Variants in ENTPD1 observed in about 807,000 individuals in gnomAD.
ENTPD1 encodes the protein ectonucleoside triphosphate diphosphohydrolase 1.
Under a neutral mutation model 57.0 loss-of-function variants are expected in ENTPD1, and 33 were observed. The ratio of observed to expected loss-of-function variants is 0.58; its 90% CI spans 0.44 to 0.77. The LOEUF is 0.77. ENTPD1 is among the 30% of genes least tolerant of loss of function. ENTPD1 has a pLI of 0.00. For missense variants in ENTPD1, 501 were observed against 603.4 expected (o/e 0.83, Z 1.78); for synonymous variants, 202 against 218.8 (o/e 0.92, Z 0.68).
chr10:95,782,813 G>C (rs372272806), intron 1 of ENTPD1, among the ~76,000 whole-genome samples: 1 of 152,052 alleles, frequency 6.6e-6, no homozygotes, highest in African/African-American at 2.4e-5. Context: ...CTAAGGCTGC[G>C]TTTTCAGCTC....
At chr10:95,786,020 G>A (rs144216949) in intron 1 of ENTPD1, among the ~76,000 whole-genome samples, 14 of 152,298 alleles carry the variant, frequency 9.2e-5, no homozygotes, top group African/African-American at 3.4e-4. Context: ...GGAGACAAGA[G>A]TGGGCACTTG....
chr10:95,729,798 A>T (rs1032910862), intron 1 of ENTPD1, among the ~76,000 whole-genome samples: 3 of 152,198 alleles, frequency 2.0e-5, no homozygotes, highest in Non-Finnish European at 2.9e-5. Flanking sequence ...TTCCTTTTCA[A>T]AAACTTTATT....
the ENTPD1 span, among the ~76,000 whole-genome samples, chr10:95,696,796 A>G: frequency 6.6e-6 from 1 of 152,228 alleles, no homozygotes; most frequent in Non-Finnish European, 1.5e-5. Context: ...AGATCATATG[A>G]TACTAGCAGT....
chr10:95,708,241 G>A (rs1297985395), upstream of ENTPD1, among the ~76,000 whole-genome samples: 4 of 148,222 alleles, frequency 2.7e-5, no homozygotes, highest in Admixed American at 6.7e-5. Context: ...TTGAGACAGA[G>A]TCTCACTCTG....
chr10:95,700,069 G>T, the ENTPD1 span, among the ~76,000 whole-genome samples: 1 of 152,048 alleles, frequency 6.6e-6, no homozygotes, highest in East Asian at 1.9e-4. Flanking sequence ...TTTTCTTTGA[G>T]GAAAAAATAG....
intron 1 of ENTPD1, among the ~76,000 whole-genome samples, chr10:95,814,373 A>G (rs1043367279): frequency 2.0e-5 from 3 of 152,328 alleles, no homozygotes; most frequent in Admixed American, 2.0e-4. Context: ...TTTCCCATAC[A>G]TAGAGCCTCT....
At chr10:95,728,095 T>C (rs751059339) in intron 1 of ENTPD1, among the ~76,000 whole-genome samples, 3 of 152,300 alleles carry the variant, frequency 2.0e-5, no homozygotes, top group South Asian at 2.1e-4. Flanking sequence ...TATCTAACTA[T>C]TGAATTTGTT....
At chr10:95,844,039 A>C (rs1226667843) in intron 4 of ENTPD1, among the ~76,000 whole-genome samples, 1 of 152,084 alleles carries the variant, frequency 6.6e-6, no homozygotes, top group Non-Finnish European at 1.5e-5. Context: ...TTCTACTAGA[A>C]CCCTAATTAA....
chr10:95,800,324 G>A (rs976997926), intron 1 of ENTPD1, among the ~76,000 whole-genome samples: 2 of 152,158 alleles, frequency 1.3e-5, no homozygotes, highest in African/African-American at 4.8e-5. Flanking sequence ...AGGGGAGGGG[G>A]TGTATGAACA....
chr10:95,761,848 C>T (rs2098064815), intron 1 of ENTPD1, among the ~76,000 whole-genome samples: 2 of 152,074 alleles, frequency 1.3e-5, no homozygotes, highest in South Asian at 2.1e-4. Flanking sequence ...TGTTGGAGTC[C>T]CAGGGAGCTA....
upstream of ENTPD1, chr10:95,755,942 A>G: frequency 1.4e-6 from 2 of 1,478,384 alleles, no homozygotes; most frequent in Non-Finnish European, 1.8e-6. Flanking sequence ...AGAGAGAGAG[A>G]TTTGAATATA....
At chr10:95,810,382 C>T (rs972713126) in intron 1 of ENTPD1, among the ~76,000 whole-genome samples, 1 of 150,054 alleles carries the variant, frequency 6.7e-6, no homozygotes, top group East Asian at 2.0e-4. Context: ...GGCGGCCGGG[C>T]AGAGGTGCTC....
chr10:95,838,819 T>A (rs1404869163), intron 2 of ENTPD1, among the ~76,000 whole-genome samples: 1 of 152,190 alleles, frequency 6.6e-6, no homozygotes, highest in African/African-American at 2.4e-5. Context: ...AATTTGAAAA[T>A]TATTGCCCAG....
the ENTPD1 span, among the ~76,000 whole-genome samples, chr10:95,699,157 A>G: frequency 6.6e-6 from 1 of 152,112 alleles, no homozygotes; most frequent in Non-Finnish European, 1.5e-5. Context: ...CCTGGGTGAC[A>G]AAGTCTCTTA....
intron 1 of ENTPD1, among the ~76,000 whole-genome samples, chr10:95,818,892 T>C (rs2098338996): frequency 6.6e-6 from 1 of 152,206 alleles, no homozygotes; most frequent in South Asian, 2.1e-4. Context: ...TCACCAATGC[T>C]TGTCCACATT....
At chr10:95,701,768 C>T in the ENTPD1 span, among the ~76,000 whole-genome samples, 1 of 151,856 alleles carries the variant, frequency 6.6e-6, no homozygotes, top group Non-Finnish European at 1.5e-5. Context: ...TAGAAATTAA[C>T]ATAAAAGGAC....
chr10:95,706,836 T>G (rs566368997), upstream of ENTPD1, among the ~76,000 whole-genome samples: 117 of 152,282 alleles, frequency 7.7e-4, no homozygotes, highest in Non-Finnish European at 1.5e-3. Flanking sequence ...GGTGCCTTAC[T>G]GGGGACCCCA....
At chr10:95,859,439 G>A (rs983928014) in intron 7 of ENTPD1, among the ~76,000 whole-genome samples, 5 of 152,154 alleles carry the variant, frequency 3.3e-5, no homozygotes, top group Admixed American at 2.6e-4. Flanking sequence ...CAATCTAACC[G>A]TGTTTGCCAC....
intron 7 of ENTPD1, among the ~76,000 whole-genome samples, chr10:95,859,081 C>T (rs552640093): frequency 2.1e-4 from 32 of 151,952 alleles, no homozygotes; most frequent in African/African-American, 6.3e-4. Context: ...AAAAATCAAG[C>T]CAAAAAAAGG....
Sources: allele counts gnomAD v4.1 joint callset (sites outside exome capture counted in the v4.1 genomes callset), GRCh38; gene constraint gnomAD v4.1.1; transcripts MANE v1.5; gene names NCBI Gene and HGNC (gene_info 2026-07-23, HGNC 2026-07-21).